Variants in UNC13C observed in about 807,000 individuals in gnomAD.
UNC13C encodes the protein unc-13 homolog C.
In UNC13C, 174 loss-of-function variants were observed where a neutral mutation model predicts 245.4. The observed-to-expected ratio is 0.71, with a 90% CI of 0.63 to 0.80. The LOEUF (loss-of-function observed/expected upper bound fraction) is 0.80, where lower values mean the gene tolerates loss of function less well. UNC13C is among the 30% of genes least tolerant of loss of function. The pLI is 0.00. For synonymous variants in UNC13C, 992 were observed against 895.1 expected (o/e 1.11, Z -1.93); for missense variants, 2,829 against 2,602.9 (o/e 1.09, Z -1.89).
At chr15:54,106,644 C>G (rs548724096) in intron 2 of UNC13C, among the ~76,000 whole-genome samples, 3 of 152,160 alleles carry the variant, frequency 2.0e-5, no homozygotes, top group Non-Finnish European at 4.4e-5. Context: ...GCCATCTCTT[C>G]TTATCATTTC....
chr15:54,117,731 C>A (rs1408590829), intron 2 of UNC13C, among the ~76,000 whole-genome samples: 1 of 152,064 alleles, frequency 6.6e-6, no homozygotes, highest in African/African-American at 2.4e-5. Flanking sequence ...CCGGCACATG[C>A]CACTAGTGCA....
At position 54,627,187 on chromosome 15, in the gene UNC13C, T is replaced by C; in HGVS notation, c.*74T>C. 7.1e-7 allele frequency: 1 copy of C among 1,400,582 alleles called. No homozygotes were observed. The highest frequency in any genetic ancestry group is 1.4e-5 in the South Asian group (1 of 71,506). The allele number at this position is 1,400,582 out of a possible 1,614,324, so 86.8% of individuals were successfully genotyped here. ...ATGCATGTGCAAATACATGGGAATG[T>C]TTAGTTCACTACATTTCAATGTTTG... On this transcript the variant is annotated 3_prime_UTR_variant, in exon 33 of 33. Transcript: ENST00000260323.
At chr15:54,069,286 T>G (rs565001256) in intron 2 of UNC13C, among the ~76,000 whole-genome samples, 1 of 152,320 alleles carries the variant, frequency 6.6e-6, no homozygotes, top group East Asian at 1.9e-4. Flanking sequence ...AATCCCTTTT[T>G]GTGCAAAGGT....
chr15:54,294,047 A>T lies in UNC13C; in HGVS notation c.3971A>T (p.Asp1324Val). Reference protein sequence around the residue: ...VEVRTLSGEMDVWYNLEKRTD... With the variant: ...VEVRTLSGEMVVWYNLEKRTD... ...GTGAGGACCTTGAGTGGAGAAATGG[A>T]TGTCTGGTACAACTTAGGTGATTTT... is the stretch of plus-strand genomic sequence containing the variant. The change falls in exon 11 of 33, where the codon GAT becomes GTT. Residue 1324 changes from aspartate (D) to valine (V), a missense_variant. Coordinates refer to ENST00000260323, the MANE Select transcript of UNC13C (RefSeq NM_001080534.3). 6.4e-7 allele frequency: 1 copy of T among 1,559,258 alleles called. No homozygotes were observed. The highest frequency in any genetic ancestry group is 8.6e-7 in the Non-Finnish European group (1 of 1,159,070).
At chr15:54,088,908 G>T (rs767419337) in intron 2 of UNC13C, among the ~76,000 whole-genome samples, 21 of 152,308 alleles carry the variant, frequency 1.4e-4, no homozygotes, top group Non-Finnish European at 2.6e-4. Context: ...TGAAACAGAA[G>T]AAATCTTGGA....
At chr15:54,088,058 TTA>T (rs68078085) in intron 2 of UNC13C, among the ~76,000 whole-genome samples, 32 of 150,842 alleles carry the variant, frequency 2.1e-4, no homozygotes, top group Middle Eastern at 3.5e-3. Flanking sequence ...ATCCTGAATA[TTA>T]TATATATATA....
rs563011566 is a variant in UNC13C, at chr15:54,243,741, C to G, written c.3228+6051C>G. ...TCTAATGATCAGTGATGTTGAGCTT[C>G]TTTTCATGTTTTTTTGACTGCATGA... On this transcript the variant is annotated intron_variant, in intron 7 of 32. Coordinates refer to ENST00000260323, the MANE Select transcript of UNC13C (RefSeq NM_001080534.3). Among the ~76,000 whole-genome samples the G allele has an allele frequency of 1.5e-3, 232 of 152,220 alleles. 1 individual carries two copies. Among genetic ancestry groups the G allele is most frequent in the African/African-American group, 5.4e-3 (223 of 41,550 alleles).
At chr15:54,120,106 C>T (rs759232633) in intron 2 of UNC13C, among the ~76,000 whole-genome samples, 3 of 152,184 alleles carry the variant, frequency 2.0e-5, no homozygotes, top group Non-Finnish European at 2.9e-5. Context: ...CTACACTAAA[C>T]AACAGATTTT....
chr15:54,560,954 G>C (rs1897276425), intron 29 of UNC13C, among the ~76,000 whole-genome samples: 1 of 151,980 alleles, frequency 6.6e-6, no homozygotes, highest in South Asian at 2.1e-4. Flanking sequence ...TCATTTTGGA[G>C]GCTTCTCTTT....
intron 27 of UNC13C, among the ~76,000 whole-genome samples, chr15:54,549,218 ACAG>A (rs1341200688): frequency 6.6e-6 from 1 of 152,182 alleles, no homozygotes; most frequent in Admixed American, 6.5e-5. Flanking sequence ...AATAGACTGG[ACAG>A]CATTTTAGAA....
At chr15:53,875,775 G>A in the UNC13C span, among the ~76,000 whole-genome samples, 2 of 152,138 alleles carry the variant, frequency 1.3e-5, no homozygotes, top group African/African-American at 2.4e-5. Flanking sequence ...TCCTGTGTTC[G>A]ATTTTCTGTT....
chr15:54,280,714 A>C (rs930486645), intron 10 of UNC13C, among the ~76,000 whole-genome samples: 11 of 134,784 alleles, frequency 8.2e-5, no homozygotes, highest in Non-Finnish European at 1.6e-4. Context: ...ATACATATAT[A>C]CATATATAAA....
intron 2 of UNC13C, among the ~76,000 whole-genome samples, chr15:54,051,791 T>A (rs1478935529): frequency 3.3e-5 from 5 of 151,430 alleles, no homozygotes; most frequent in Non-Finnish European, 4.4e-5. Context: ...TTTAAGTTTT[T>A]GGGTACATGT....
chr15:54,213,188 A>G (rs1051605366), intron 4 of UNC13C, among the ~76,000 whole-genome samples: 5 of 152,050 alleles, frequency 3.3e-5, no homozygotes, highest in African/African-American at 1.2e-4. Flanking sequence ...CAATGTTTAC[A>G]TATATTGAAG....
intron 2 of UNC13C, among the ~76,000 whole-genome samples, chr15:54,126,932 G>A (rs2031084042): frequency 6.6e-6 from 1 of 152,160 alleles, no homozygotes; most frequent in Non-Finnish European, 1.5e-5. Context: ...AGACATTTAT[G>A]CGGCCAATAG....
intron 10 of UNC13C, among the ~76,000 whole-genome samples, chr15:54,276,449 A>C (rs552135451): frequency 1.1e-4 from 16 of 152,238 alleles, no homozygotes; most frequent in African/African-American, 3.8e-4. Context: ...ATGACCACAC[A>C]GTAATATCAG....
chr15:54,220,383 G>A (rs2140780110), intron 4 of UNC13C, among the ~76,000 whole-genome samples: 1 of 147,444 alleles, frequency 6.8e-6, no homozygotes, highest in East Asian at 2.0e-4. Context: ...ACTCATAGAT[G>A]GGAATTGAAC....
intron 1 of UNC13C, among the ~76,000 whole-genome samples, chr15:54,005,371 C>A (rs537034665): frequency 9.5e-4 from 144 of 152,236 alleles, no homozygotes; most frequent in Non-Finnish European, 1.8e-3. Context: ...GGCTCTAAAA[C>A]CGGTCACGTT....
intron 22 of UNC13C, among the ~76,000 whole-genome samples, chr15:54,505,802 A>G (rs1034861716): frequency 1.4e-5 from 2 of 138,786 alleles, no homozygotes; most frequent in Non-Finnish European, 3.0e-5. Context: ...GATATATTCT[A>G]TATGACTGTG....
Sources: gnomAD v4.1 joint callset for allele counts (sites outside exome capture counted in the v4.1 genomes callset) on GRCh38, gnomAD v4.1.1 for gene constraint, MANE v1.5 for transcripts, NCBI Gene and HGNC (gene_info 2026-07-23, HGNC 2026-07-21) for gene names.